The following PCDHA7 variants were observed in gnomAD, a reference collection of about 807,000 sequenced individuals.
PCDHA7 encodes the protein protocadherin alpha 7, also known as protocadherin alpha-7.
In PCDHA7, 37 loss-of-function variants were observed where a neutral mutation model predicts 57.2. The ratio of observed to expected loss-of-function variants is 0.65; its 90% confidence interval spans 0.50 to 0.85. The LOEUF (loss-of-function observed/expected upper bound fraction) is 0.85, where lower values mean the gene tolerates loss of function less well. PCDHA7 is among the 40% of genes least tolerant of loss of function. The probability of loss-of-function intolerance (pLI) is 0.00; values close to 1 mark genes in which losing one functional copy is unlikely to be tolerated. For missense variants in PCDHA7, 1,188 were observed against 1,241.8 expected (o/e 0.96, Z 0.65); for synonymous variants, 553 against 558.8 (o/e 0.99, Z 0.15).
At chr5:140,917,070 G>A (rs528403297) in intron 1 of PCDHA7, among the ~76,000 whole-genome samples, 14 of 152,102 alleles carry the variant, frequency 9.2e-5, no homozygotes, top group Non-Finnish European at 1.9e-4. Context: ...ACAGCACCGA[G>A]TTTAATGTAA....
At chr5:140,989,321 C>T (rs898791820) in intron 3 of PCDHA7, among the ~76,000 whole-genome samples, 2 of 152,296 alleles carry the variant, frequency 1.3e-5, no homozygotes, top group Non-Finnish European at 1.5e-5. Context: ...GTCTCACCAA[C>T]TTTGCCACCT....
At chr5:140,952,325 T>G in intron 1 of PCDHA7, among the ~76,000 whole-genome samples, 1 of 133,382 alleles carries the variant, frequency 7.5e-6, no homozygotes, top group Non-Finnish European at 1.6e-5. Context: ...GCAACAAGAG[T>G]GAAACTCCAT....
chr5:140,983,504 G>A (rs2097054493), intron 3 of PCDHA7, among the ~76,000 whole-genome samples: 1 of 152,160 alleles, frequency 6.6e-6, no homozygotes, highest in Non-Finnish European at 1.5e-5. Flanking sequence ...GCCATAATAT[G>A]CCTAGACACT....
chr5:140,891,904 T>A (rs1429453216), intron 1 of PCDHA7, among the ~76,000 whole-genome samples: 3 of 152,212 alleles, frequency 2.0e-5, no homozygotes, highest in Non-Finnish European at 4.4e-5. Flanking sequence ...AAGAAGATCT[T>A]CACCAGATGC....
intron 1 of PCDHA7, among the ~76,000 whole-genome samples, chr5:140,846,989 C>G (rs1449097023): frequency 6.7e-6 from 1 of 149,310 alleles, no homozygotes; most frequent in Non-Finnish European, 1.5e-5. Context: ...AAGTTCCCCC[C>G]GGGAGAATAT....
chr5:140,863,783 G>C, intron 1 of PCDHA7: 1 of 226,522 alleles, frequency 4.4e-6, no homozygotes, highest in Non-Finnish European at 8.8e-6. Context: ...CGGATCACTC[G>C]AGGCCAGGAG....
intron 1 of PCDHA7, among the ~76,000 whole-genome samples, chr5:140,959,089 C>T (rs150796442): frequency 0.023 from 3,565 of 152,100 alleles, 49 homozygotes; most frequent in Middle Eastern, 0.034. Context: ...TCCTTGGTTT[C>T]GGACATTCAG....
At chr5:140,962,280 A>C (rs1244354033) in intron 1 of PCDHA7, among the ~76,000 whole-genome samples, 1 of 152,224 alleles carries the variant, frequency 6.6e-6, no homozygotes, top group Non-Finnish European at 1.5e-5. Flanking sequence ...AAAAAACCTC[A>C]ACCTTTAATA....
chr5:140,850,266 G>A, intron 1 of PCDHA7: 2 of 1,594,736 alleles, frequency 1.3e-6, no homozygotes, highest in Non-Finnish European at 8.6e-7. Context: ...CGGCGTAGTG[G>A]TGGGGAAGGT....
At chr5:140,968,044 A>C (rs959631573) in intron 1 of PCDHA7, 2 of 1,614,142 alleles carry the variant, frequency 1.2e-6, no homozygotes, top group Non-Finnish European at 1.7e-6. Context: ...TGAGCGGCCC[A>C]CTGGACCGAG....
chr5:140,996,976 G>T (rs573896136), intron 3 of PCDHA7, among the ~76,000 whole-genome samples: 1 of 151,960 alleles, frequency 6.6e-6, no homozygotes, highest in Non-Finnish European at 1.5e-5. Context: ...CTCCCCTTTG[G>T]TGAAGCAACC....
chr5:140,851,936 G>C (rs1554145612), intron 1 of PCDHA7: 1 of 965,662 alleles, frequency 1.0e-6, no homozygotes, highest in African/African-American at 1.8e-5. Flanking sequence ...CTGAATTGTA[G>C]TATGTGACTT....
intron 1 of PCDHA7, chr5:140,850,632 C>T (rs2150491641): frequency 6.3e-7 from 1 of 1,598,646 alleles, no homozygotes. Flanking sequence ...CCTGTTGGTT[C>T]TCACGCTGCT....
intron 1 of PCDHA7, among the ~76,000 whole-genome samples, chr5:140,881,802 G>A (rs1239090795): frequency 1.3e-5 from 2 of 152,182 alleles, no homozygotes; most frequent in Admixed American, 6.5e-5. Context: ...CCCAAAACGA[G>A]TGTCGAATAT....
At chr5:140,969,908 T>C (rs1586401643) in intron 1 of PCDHA7, among the ~76,000 whole-genome samples, 4 of 152,184 alleles carry the variant, frequency 2.6e-5, no homozygotes, top group Non-Finnish European at 4.4e-5. Context: ...ATGTCACAAG[T>C]GATAAAGCTG....
At chr5:140,954,036 T>G (rs527853766) in intron 1 of PCDHA7, among the ~76,000 whole-genome samples, 170 of 152,342 alleles carry the variant, frequency 1.1e-3, no homozygotes, top group African/African-American at 3.9e-3. Context: ...GATGTGGTAT[T>G]TGGTTTTCTG....
At chr5:140,869,108 T>C in intron 1 of PCDHA7, 2 of 1,602,680 alleles carry the variant, frequency 1.2e-6, no homozygotes, top group African/African-American at 1.3e-5. Flanking sequence ...TATGCGATGT[T>C]TGGTTTTCAG....
At chr5:140,975,671 T>C (rs923429904) in intron 1 of PCDHA7, among the ~76,000 whole-genome samples, 2 of 152,248 alleles carry the variant, frequency 1.3e-5, no homozygotes, top group Admixed American at 6.5e-5. Context: ...TGTGAGTTTA[T>C]TAATAAAATA....
chr5:140,939,018 T>G (rs1554212547), intron 1 of PCDHA7, among the ~76,000 whole-genome samples: 1 of 152,228 alleles, frequency 6.6e-6, no homozygotes, highest in Non-Finnish European at 1.5e-5. Context: ...TTACTTTTCT[T>G]TTACTTATTC....
Sources: allele counts gnomAD v4.1 joint callset (sites outside exome capture counted in the v4.1 genomes callset), GRCh38; gene constraint gnomAD v4.1.1; transcripts MANE v1.5; gene names NCBI Gene and HGNC (gene_info 2026-07-23, HGNC 2026-07-21).